Variants in SCIN observed in about 807,000 individuals in gnomAD.
SCIN encodes the protein scinderin.
SCIN carries 91 observed loss-of-function variants against 91.8 expected under a neutral mutation model. The observed-to-expected ratio is 0.99, with a 90% CI of 0.84 to 1.18. The LOEUF is 1.18. Among genes scored for constraint, SCIN ranks in the 50% most tolerant of loss-of-function variants. The pLI is 0.00. For missense variants in SCIN, 1,087 were observed against 863.9 expected, an observed-to-expected ratio of 1.26 and a Z score of -3.24; for synonymous variants, 367 against 312.6, an observed-to-expected ratio of 1.17 and a Z score of -1.84.
chr7:12,648,295 C>CTTTTT (rs35618552), intron 13 of SCIN, among the ~76,000 whole-genome samples: 17 of 133,624 alleles, frequency 1.3e-4, no homozygotes, highest in Non-Finnish European at 1.9e-4. Flanking sequence ...CTCTCTCTCT[C>CTTTTT]TTTTTTTTTT....
rs563663871 is a variant in SCIN, at chr7:12,623,077, G to C, written c.759+184G>C. Among the ~76,000 whole-genome samples, 5 of 152,004 alleles carry C rather than the reference G, an allele frequency of 3.3e-5. No individual in the cohort carries two copies. In the South Asian group the frequency reaches 8.3e-4, roughly 25 times the overall value. ...TTTTAATTAAGTTTTAATACTTTTT[G>C]TTATTTTTATGAAAAACAACAAATA... On this transcript the variant is annotated intron_variant, in intron 5 of 15. Coordinates refer to ENST00000297029, the MANE Select transcript of SCIN (RefSeq NM_001112706.3).
At chr7:12,575,233 A>T (rs1359745374) in intron 1 of SCIN, among the ~76,000 whole-genome samples, 1 of 148,786 alleles carries the variant, frequency 6.7e-6, no homozygotes, top group African/African-American at 2.5e-5. Context: ...TTTCTAGGAG[A>T]GTTTTCTTTT....
At chr7:12,586,644 A>G (rs1782593216) in intron 3 of SCIN, among the ~76,000 whole-genome samples, 2 of 152,334 alleles carry the variant, frequency 1.3e-5, no homozygotes, top group African/African-American at 4.8e-5. Flanking sequence ...TGTTTATTGC[A>G]TCACTATTCA....
intron 3 of SCIN, among the ~76,000 whole-genome samples, chr7:12,583,518 T>C (rs1390931056): frequency 6.6e-6 from 1 of 152,148 alleles, no homozygotes; most frequent in Non-Finnish European, 1.5e-5. Context: ...TAAGCTAACT[T>C]GGTAGTATAT....
At chr7:12,608,564 G>C (rs1407749515) in intron 4 of SCIN, among the ~76,000 whole-genome samples, 2 of 152,038 alleles carry the variant, frequency 1.3e-5, no homozygotes, top group Non-Finnish European at 2.9e-5. Context: ...TGCAGCCTCT[G>C]CCTTCTGGGT....
rs1784137657 is a variant in SCIN, at chr7:12,654,575, T to A, written c.*1860T>A. The A allele has an allele frequency of 6.6e-6, 1 of 152,196 alleles. No individual in the cohort carries two copies. The allele number at this position is 152,196 out of a possible 1,614,324, so 9.4% of individuals were successfully genotyped here. A position where few individuals can be genotyped will look rare whatever the true frequency, so the allele number is the denominator to read the frequency against. ...TAAATATCTTCTGGGTCAAGCTGAATATTTTTTGAAGGATGATGAGAATAA... is the reference window on the plus strand; with the variant it reads ...TAAATATCTTCTGGGTCAAGCTGAAAATTTTTTGAAGGATGATGAGAATAA... On this transcript the variant is annotated 3_prime_UTR_variant, in exon 16 of 16. Coordinates refer to ENST00000297029, the MANE Select transcript of SCIN (RefSeq NM_001112706.3).
chr7:12,571,089 G>A, intron 1 of SCIN, 104 bp downstream of exon 1: 1 of 1,260,642 alleles, frequency 7.9e-7, no homozygotes, highest in South Asian at 1.6e-5. Flanking sequence ...ACCGCAAACT[G>A]AGCTAGCCAC....
intron 6 of SCIN, among the ~76,000 whole-genome samples, chr7:12,625,423 T>C (rs1783495711): frequency 7.3e-6 from 1 of 137,046 alleles, no homozygotes; most frequent in South Asian, 2.3e-4. Context: ...CAGGAAATTT[T>C]TGCTATTCTT....
intron 3 of SCIN, 137 bp from the exon 4 acceptor site, chr7:12,604,377 T>A: frequency 1.5e-6 from 1 of 664,450 alleles, no homozygotes; most frequent in South Asian, 2.8e-5. Context: ...CAGAATGAAG[T>A]GTAACAATTA....
chr7:12,601,988 C>T (rs763887784), intron 3 of SCIN, among the ~76,000 whole-genome samples: 10 of 152,138 alleles, frequency 6.6e-5, no homozygotes, highest in Non-Finnish European at 8.8e-5. Context: ...TGGGGGAAGT[C>T]GGTAGAACAT....
chr7:12,645,376 C>T (rs6967267), intron 13 of SCIN, among the ~76,000 whole-genome samples: 90,089 of 152,002 alleles, frequency 0.59, 30,983 homozygotes, highest in Non-Finnish European at 0.77. Context: ...CTAACAACGC[C>T]GGGAAGGGCA....
At chr7:12,628,791 C>A (rs1285875214) in intron 8 of SCIN, among the ~76,000 whole-genome samples, 1 of 151,996 alleles carries the variant, frequency 6.6e-6, no homozygotes, top group East Asian at 1.9e-4. Flanking sequence ...TGAGCTGAAT[C>A]TTGCAGTTTT....
chr7:12,578,296 C>T, intron 2 of SCIN, 78 bp downstream of exon 2: 3 of 1,334,420 alleles, frequency 2.2e-6, no homozygotes, highest in Non-Finnish European at 3.0e-6. Context: ...CATAGAATGA[C>T]AGTTCGTTGA....
At chr7:12,607,445 A>G (rs1783101254) in intron 4 of SCIN, among the ~76,000 whole-genome samples, 2 of 152,278 alleles carry the variant, frequency 1.3e-5, no homozygotes, top group African/African-American at 2.4e-5. Flanking sequence ...TCAATACATT[A>G]CACTGTAAAA....
intron 4 of SCIN, among the ~76,000 whole-genome samples, chr7:12,612,115 A>G (rs1783204935): frequency 6.6e-6 from 1 of 152,112 alleles, no homozygotes; most frequent in African/African-American, 2.4e-5. Context: ...ATGTTTTCCA[A>G]GTAGTTTTAG....
At chr7:12,589,658 T>C (rs1387331053) in intron 3 of SCIN, 1 of 152,222 alleles carries the variant, frequency 6.6e-6, no homozygotes, top group African/African-American at 2.4e-5. Context: ...CTCGATGGTT[T>C]TGAAGTGTCA....
chr7:12,591,580 C>T (rs1294840243), intron 3 of SCIN, among the ~76,000 whole-genome samples: 3 of 152,036 alleles, frequency 2.0e-5, no homozygotes, highest in African/African-American at 4.8e-5. Flanking sequence ...ACGGAGCTGA[C>T]GCAGTGACAA....
At position 12,626,641 on chromosome 7, in the gene SCIN, T is replaced by C. The variant is rs1216072880; in HGVS notation, c.1039T>C (p.Trp347Arg). 3.9e-6 allele frequency: 6 copies of C among 1,554,756 alleles called. No homozygotes were observed. Among genetic ancestry groups the C allele is most frequent in the African/African-American group, 1.4e-5 (1 of 73,272 alleles). ...TPIFKQFFKD[W>R]RDKDQSDGFG... ...AATCTTCAAACAGTTTTTTAAGGACTGGAGAGATAAAGATCAGAGTGATGG... is the reference window on the plus strand; with the variant it reads ...AATCTTCAAACAGTTTTTTAAGGACCGGAGAGATAAAGATCAGAGTGATGG... The change falls in exon 8 of 16, where the codon TGG becomes CGG. Residue 347 changes from tryptophan to arginine, a missense_variant. Transcript: ENST00000297029.
chr7:12,600,940 G>C (rs1782944846), intron 3 of SCIN, among the ~76,000 whole-genome samples: 1 of 152,064 alleles, frequency 6.6e-6, no homozygotes, highest in African/African-American at 2.4e-5. Flanking sequence ...CTTTGTCATG[G>C]TATTCAAATG....
Sources: allele counts gnomAD v4.1 joint callset (sites outside exome capture counted in the v4.1 genomes callset), GRCh38; gene constraint gnomAD v4.1.1; transcripts MANE v1.5; gene names NCBI Gene and HGNC (gene_info 2026-07-23, HGNC 2026-07-21).